GBE1: variants seen among roughly 807,000 people sequenced by gnomAD.
GBE1 encodes the protein 1,4-alpha-glucan branching enzyme 1.
GBE1 carries 70 observed loss-of-function variants against 88.8 expected under a neutral mutation model. That is an observed-to-expected ratio of 0.79 (90% CI 0.65 to 0.96). The LOEUF (loss-of-function observed/expected upper bound fraction) is 0.96, where lower values mean the gene tolerates loss of function less well. Ranked by LOEUF, GBE1 falls within the 40% of genes least tolerant of loss-of-function variation. The pLI is 0.00. For missense variants in GBE1, 872 were observed against 871.0 expected, an observed-to-expected ratio of 1.00 and a Z score of -0.01; for synonymous variants, 284 against 300.1, an observed-to-expected ratio of 0.95 and a Z score of 0.56.
At chr3:81,586,458 TA>T (rs1703804325) in intron 9 of GBE1, among the ~76,000 whole-genome samples, 1 of 152,216 alleles carries the variant, frequency 6.6e-6, no homozygotes, top group African/African-American at 2.4e-5. Flanking sequence ...GCAAAACTGT[TA>T]TTGCTAAAAC....
At chr3:81,689,798 T>C (rs1195639779) in intron 2 of GBE1, among the ~76,000 whole-genome samples, 1 of 152,114 alleles carries the variant, frequency 6.6e-6, no homozygotes, top group Admixed American at 6.5e-5. Context: ...CTCTGTGGCA[T>C]GTTTGGCTGG....
intron 7 of GBE1, among the ~76,000 whole-genome samples, chr3:81,597,588 T>A (rs1703977175): frequency 6.6e-6 from 1 of 150,698 alleles, no homozygotes; most frequent in Non-Finnish European, 1.5e-5. Flanking sequence ...AACACATATA[T>A]TAGAAACTAG....
chr3:81,570,353 C>G (rs1197236567), intron 12 of GBE1, among the ~76,000 whole-genome samples: 1 of 152,134 alleles, frequency 6.6e-6, no homozygotes, highest in Non-Finnish European at 1.5e-5. Context: ...CATAACTGAT[C>G]TATTGGCTCT....
At chr3:81,578,137 G>T (rs77150467) in intron 11 of GBE1, 41 bp from the exon 12 acceptor site, 2 of 1,357,874 alleles carry the variant, frequency 1.5e-6, no homozygotes, top group Non-Finnish European at 2.0e-6. Context: ...AAAAAAAAAA[G>T]TGCTAAGTAG....
intron 12 of GBE1, among the ~76,000 whole-genome samples, chr3:81,541,578 T>C (rs1360685867): frequency 6.6e-6 from 1 of 151,936 alleles, no homozygotes; most frequent in Non-Finnish European, 1.5e-5. Context: ...AGGATTAATG[T>C]TGTTATAAAA....
chr3:81,606,345 C>A (rs868110601), intron 7 of GBE1, among the ~76,000 whole-genome samples: 1 of 152,186 alleles, frequency 6.6e-6, no homozygotes, highest in South Asian at 2.1e-4. Flanking sequence ...AAACCATGCA[C>A]CAGGTGCTAT....
At chr3:81,602,293 A>AT (rs1704043831) in intron 7 of GBE1, among the ~76,000 whole-genome samples, 1 of 152,208 alleles carries the variant, frequency 6.6e-6, no homozygotes, top group Non-Finnish European at 1.5e-5. Context: ...AGTCGTTAAC[A>AT]TAGGACTTCC....
intron 2 of GBE1, among the ~76,000 whole-genome samples, chr3:81,689,239 C>T (rs1392764222): frequency 6.6e-6 from 1 of 152,178 alleles, no homozygotes; most frequent in Non-Finnish European, 1.5e-5. Context: ...GGTTAAACTT[C>T]TCTCTTTGTA....
intron 14 of GBE1, among the ~76,000 whole-genome samples, chr3:81,506,797 C>A (rs1346799851): frequency 2.6e-5 from 4 of 152,154 alleles, no homozygotes; most frequent in Non-Finnish European, 5.9e-5. Flanking sequence ...AGGCCATTAT[C>A]CTTAGCAAAC....
chr3:81,514,509 C>T (rs1049835557), intron 14 of GBE1, among the ~76,000 whole-genome samples: 1 of 151,530 alleles, frequency 6.6e-6, no homozygotes, highest in Non-Finnish European at 1.5e-5. Context: ...ATTAGGCCAA[C>T]AGAAACTACA....
intron 7 of GBE1, among the ~76,000 whole-genome samples, chr3:81,622,674 TCCC>T (rs1235262066): frequency 6.6e-6 from 1 of 152,160 alleles, no homozygotes; most frequent in Non-Finnish European, 1.5e-5. Flanking sequence ...CTCTTGATTT[TCCC>T]CCAAGTCCTT....
At chr3:81,571,239 G>A (rs541329313) in intron 12 of GBE1, among the ~76,000 whole-genome samples, 1 of 152,272 alleles carries the variant, frequency 6.6e-6, no homozygotes, top group East Asian at 1.9e-4. Flanking sequence ...CTCCGTTGAA[G>A]AGGGAAGACA....
intron 1 of GBE1, among the ~76,000 whole-genome samples, chr3:81,736,737 C>G (rs1236823592): frequency 6.6e-6 from 1 of 152,126 alleles, no homozygotes; most frequent in Admixed American, 6.6e-5. Context: ...ATCTGGCAAC[C>G]TCTCAAATCA....
chr3:81,516,725 A>T (rs1317634921), intron 14 of GBE1, among the ~76,000 whole-genome samples: 1 of 151,542 alleles, frequency 6.6e-6, no homozygotes, highest in Non-Finnish European at 1.5e-5. Flanking sequence ...AGGTTAAAAT[A>T]TCAACACAAT....
At chr3:81,759,494 T>G (rs904037366) in intron 1 of GBE1, among the ~76,000 whole-genome samples, 1 of 152,238 alleles carries the variant, frequency 6.6e-6, no homozygotes, top group African/African-American at 2.4e-5. Context: ...GACCAGATTG[T>G]ATGAAGGAAA....
intron 15 of GBE1, 125 bp from the exon 16 acceptor site, chr3:81,490,588 T>TACAAGCTCTTAGAAGGCTCAATTTC: frequency 1.3e-6 from 1 of 783,626 alleles, no homozygotes; most frequent in Admixed American, 2.5e-5. Context: ...TTTACAATTT[T>TACAAGCTCTTAGAAGGCTCAATTTC]ACAAGCTCTT....
intron 1 of GBE1, among the ~76,000 whole-genome samples, chr3:81,727,715 A>G (rs1706132518): frequency 6.6e-6 from 1 of 152,210 alleles, no homozygotes; most frequent in Non-Finnish European, 1.5e-5. Flanking sequence ...AAAAGAGAAT[A>G]TGAATGTCAA....
chr3:81,536,538 GT>G (rs1230909818), intron 13 of GBE1, among the ~76,000 whole-genome samples: 7 of 151,886 alleles, frequency 4.6e-5, no homozygotes, highest in Admixed American at 1.3e-4. Context: ...TGTCAAAGTA[GT>G]TTCTTTATGA....
At chr3:81,689,462 T>C (rs1183972013) in intron 2 of GBE1, among the ~76,000 whole-genome samples, 2 of 152,256 alleles carry the variant, frequency 1.3e-5, no homozygotes, top group African/African-American at 4.8e-5. Flanking sequence ...ATGTTTTCTG[T>C]CTTTAATGTA....
Sources: allele counts gnomAD v4.1 joint callset (sites outside exome capture counted in the v4.1 genomes callset), GRCh38; gene constraint gnomAD v4.1.1; transcripts MANE v1.5; gene names NCBI Gene and HGNC (gene_info 2026-07-23, HGNC 2026-07-21).